ABCG1: variants seen among roughly 807,000 people sequenced by gnomAD.
ABCG1 encodes ATP binding cassette subfamily G member 1.
In ABCG1, 29 loss-of-function variants were observed where a neutral mutation model predicts 69.2. The observed-to-expected ratio is 0.42, with a 90% confidence interval of 0.31 to 0.57. The LOEUF (loss-of-function observed/expected upper bound fraction) is 0.57, where lower values mean the gene tolerates loss of function less well. Among genes scored for constraint, ABCG1 ranks in the 20% least tolerant of loss-of-function variants. ABCG1 has a pLI of 0.15. For missense variants in ABCG1, 718 were observed against 898.1 expected (o/e 0.80, Z 2.56); for synonymous variants, 370 against 374.8 (o/e 0.99, Z 0.15).
chr21:42,262,020 G>A (rs2068423112), intron 2 of ABCG1, among the ~76,000 whole-genome samples: 1 of 152,184 alleles, frequency 6.6e-6, no homozygotes, highest in Non-Finnish European at 1.5e-5. Context: ...TTTCCAAACT[G>A]CAACTCGTTC....
intron 6 of ABCG1, among the ~76,000 whole-genome samples, chr21:42,282,624 A>C (rs1441850046): frequency 1.3e-5 from 2 of 152,186 alleles, no homozygotes; most frequent in Admixed American, 6.5e-5. Flanking sequence ...TCAGGCCTGC[A>C]AGGCTTGTGT....
At chr21:42,220,018 C>A (rs773087271) in intron 1 of ABCG1, 5 of 1,553,338 alleles carry the variant, frequency 3.2e-6, no homozygotes, top group Non-Finnish European at 4.4e-6. Context: ...GGCGGGGTGT[C>A]GGCGAGTTCA....
chr21:42,262,900 C>T (rs1015073671), intron 2 of ABCG1, among the ~76,000 whole-genome samples: 2 of 152,244 alleles, frequency 1.3e-5, no homozygotes, highest in African/African-American at 4.8e-5. Context: ...CCCCAGTGAG[C>T]TCTGGCCTGG....
chr21:42,263,841 G>A (rs1292912161), intron 2 of ABCG1, among the ~76,000 whole-genome samples: 1 of 152,240 alleles, frequency 6.6e-6, no homozygotes, highest in Non-Finnish European at 1.5e-5. Flanking sequence ...CCTGTCAGAA[G>A]GGAGGTGTGG....
upstream of ABCG1, among the ~76,000 whole-genome samples, chr21:42,217,961 G>A (rs907435587): frequency 2.6e-5 from 4 of 152,014 alleles, no homozygotes; most frequent in Non-Finnish European, 2.9e-5. Flanking sequence ...GAGCCACTGC[G>A]CCCGGCTGGA....
intron 2 of ABCG1, among the ~76,000 whole-genome samples, chr21:42,240,667 C>T (rs1199062136): frequency 5.9e-5 from 9 of 152,250 alleles, no homozygotes; most frequent in South Asian, 2.1e-4. Context: ...AGGCCGGTCT[C>T]GAACTGCTGA....
intron 2 of ABCG1, among the ~76,000 whole-genome samples, chr21:42,240,179 C>A (rs544338484): frequency 6.6e-6 from 1 of 152,316 alleles, no homozygotes; most frequent in Non-Finnish European, 1.5e-5. Flanking sequence ...CGGTGCCTGC[C>A]ACGCTGGGTC....
chr21:42,226,316 C>T (rs225413), intron 2 of ABCG1, among the ~76,000 whole-genome samples: 2,266 of 152,218 alleles, frequency 0.015, 44 homozygotes, highest in African/African-American at 0.049. Context: ...CCCTCCCAAG[C>T]GTGAAGTGTT....
rs993126320 is a variant in ABCG1 at position 42,273,733 on chromosome 21, G to T, written c.537+298G>T. Among the ~76,000 whole-genome samples, 6 of 152,158 alleles carry T rather than the reference G, an allele frequency of 3.9e-5. No homozygotes were observed. Among genetic ancestry groups the T allele is most frequent in the Non-Finnish European group, 8.8e-5 (6 of 68,036 alleles). ...GCTGGCTTGGGTGATCCTCTCCAGGGCAGCCACCATACTATTTCTCCTGCA... is the reference window on the plus strand; with the variant it reads ...GCTGGCTTGGGTGATCCTCTCCAGGTCAGCCACCATACTATTTCTCCTGCA... On this transcript the variant is annotated intron_variant, in intron 4 of 14. Coordinates refer to ENST00000398449, the MANE Select transcript of ABCG1 (RefSeq NM_016818.3). This position sits in a 1 kb window ranked among gnomAD's most constrained non-coding sequence, Gnocchi z 5.3.
In ABCG1 at chr21:42,219,818, C is replaced by T. The variant is rs370450685; in HGVS notation, c.42+514C>T. On this transcript the variant is annotated intron_variant, in intron 1 of 14. Transcript: ENST00000398449. This position sits in a 1 kb window ranked among gnomAD's most constrained non-coding sequence, Gnocchi z 5.3. Reference sequence around the variant, plus strand: ...AAAGAGGAAGCTGCCCCCAGAGAGCCGGAGCCTGCGACTGCACTCCCGGGG... The same window carrying T: ...AAAGAGGAAGCTGCCCCCAGAGAGCTGGAGCCTGCGACTGCACTCCCGGGG... The T allele has an allele frequency of 4.8e-6, 7 of 1,452,674 alleles. No individual in the cohort carries two copies. The highest frequency in any genetic ancestry group is 2.5e-4 in the Middle Eastern group (1 of 3,988). 90.0% of individuals were successfully genotyped at this position (1,452,674 alleles called of 1,614,324 possible).
rs1041911245 is a variant in ABCG1, at chr21:42,273,526, G to A, written c.537+91G>A. The A allele has an allele frequency of 3.4e-6, 5 of 1,468,700 alleles. No homozygotes were observed. Among genetic ancestry groups the A allele is most frequent in the East Asian group, 2.4e-5 (1 of 40,986 alleles). The allele number at this position is 1,468,700 out of a possible 1,614,324, so 91.0% of individuals were successfully genotyped here. On this transcript the variant is annotated intron_variant, in intron 4 of 14. Transcript: ENST00000398449. The surrounding 1 kb of genome is among the most constrained non-coding windows in gnomAD (Gnocchi z 5.3). ...CAGCACTGGCCGAGTGCCCAGCTGC[G>A]AGGGACCCAAGGGCTCTGCCACGCG... is the stretch of plus-strand genomic sequence containing the variant.
rs2067678398 is a variant in ABCG1, at chr21:42,219,151, G to T, written c.-112G>T. On this transcript the variant is annotated 5_prime_UTR_variant, in exon 1 of 15. Coordinates refer to ENST00000398449, the MANE Select transcript of ABCG1 (RefSeq NM_016818.3). This position sits in a 1 kb window ranked among gnomAD's most constrained non-coding sequence, Gnocchi z 5.3. ...GCCGGATCCCAGCCGGAGCCCAAGC[G>T]CAGCCCGCACCCCGCGCAGCGGCTG... 2.0e-6 allele frequency: 2 copies of T among 1,021,740 alleles called. No individual in the cohort carries two copies. The highest frequency in any genetic ancestry group is 4.2e-5 in the East Asian group (1 of 23,632). 63.3% of individuals were successfully genotyped at this position (1,021,740 alleles called of 1,614,324 possible).
intron 2 of ABCG1, among the ~76,000 whole-genome samples, chr21:42,257,312 G>A (rs1267417769): frequency 6.6e-6 from 1 of 152,322 alleles, no homozygotes; most frequent in Non-Finnish European, 1.5e-5. Flanking sequence ...AGCTTTTTGG[G>A]AACCCAGCTG....
intron 1 of ABCG1, among the ~76,000 whole-genome samples, chr21:42,200,677 T>C (rs555396478): frequency 2.0e-5 from 3 of 150,878 alleles, no homozygotes; most frequent in Non-Finnish European, 4.4e-5. Flanking sequence ...CACCCTCTGC[T>C]TCCTGGGTTC....
At chr21:42,220,181 G>A in intron 1 of ABCG1, 18 of 720,690 alleles carry the variant, frequency 2.5e-5, no homozygotes, top group Non-Finnish European at 3.7e-5. Context: ...TCTACGCCCA[G>A]CACACCAACA....
At chr21:42,204,580 G>C (rs115783273) in intron 2 of ABCG1, among the ~76,000 whole-genome samples, 1 of 152,070 alleles carries the variant, frequency 6.6e-6, no homozygotes, top group Non-Finnish European at 1.5e-5. Context: ...TACGTCTCTG[G>C]AATAAACCCA....
chr21:42,238,901 G>A (rs993218302), intron 2 of ABCG1, among the ~76,000 whole-genome samples: 4 of 152,200 alleles, frequency 2.6e-5, no homozygotes, highest in African/African-American at 9.7e-5. Context: ...CGTGAACATT[G>A]TTCTTGGATT....
rs370888531 is a variant in ABCG1, at chr21:42,225,613, T to C, written c.43-58T>C. 1.3e-5 allele frequency: 20 copies of C among 1,588,928 alleles called. No individual in the cohort carries two copies. The African/African-American group carries it at 2.7e-4, about 21-fold the overall frequency. Reference sequence around the variant, plus strand: ...CTGAGCCTCATGGTGAATCTCTTCATGTTCTTTTTCTTGATGCAGCTTATA... The same window carrying C: ...CTGAGCCTCATGGTGAATCTCTTCACGTTCTTTTTCTTGATGCAGCTTATA... On this transcript the variant is annotated intron_variant, in intron 1 of 14. Transcript: ENST00000398449.
chr21:42,280,155 C>T (rs771212817), intron 5 of ABCG1, among the ~76,000 whole-genome samples: 6 of 152,232 alleles, frequency 3.9e-5, no homozygotes, highest in Non-Finnish European at 7.3e-5. Context: ...TCAGCCATGG[C>T]ACAGGTGCAT....
Sources: allele counts gnomAD v4.1 joint callset (sites outside exome capture counted in the v4.1 genomes callset), GRCh38; gene constraint gnomAD v4.1.1; non-coding constraint Gnocchi (gnomAD v3.1); transcripts MANE v1.5; gene names NCBI Gene and HGNC (gene_info 2026-07-23, HGNC 2026-07-21).